The following CCSER1 variants were observed in gnomAD, a reference collection of about 807,000 sequenced individuals.
The protein encoded by CCSER1 is serine-rich coiled-coil domain-containing protein 1.
Under a neutral mutation model 82.0 loss-of-function variants are expected in CCSER1, and 41 were observed. That is an observed-to-expected ratio of 0.50 (90% confidence interval 0.39 to 0.65). CCSER1 has a LOEUF of 0.65. Ranked by LOEUF, CCSER1 falls within the 30% of genes least tolerant of loss-of-function variation. The probability of loss-of-function intolerance (pLI) is 0.00; values close to 1 mark genes in which losing one functional copy is unlikely to be tolerated. For synonymous variants in CCSER1, 414 were observed against 383.9 expected (o/e 1.08, Z -0.92); for missense variants, 1,119 against 1,064.2 (o/e 1.05, Z -0.72).
chr4:90,733,008 C>A (rs1745027580), intron 7 of CCSER1, among the ~76,000 whole-genome samples: 2 of 152,148 alleles, frequency 1.3e-5, no homozygotes, highest in Admixed American at 1.3e-4. Context: ...GCAGATATCT[C>A]TTCAATACAC....
At chr4:91,385,835 A>T (rs1229683430) in intron 10 of CCSER1, among the ~76,000 whole-genome samples, 1 of 151,976 alleles carries the variant, frequency 6.6e-6, no homozygotes, top group African/African-American at 2.4e-5. Context: ...TTAGGAAGGC[A>T]AGGGAAAACC....
chr4:90,695,710 AT>A (rs1365092001), intron 6 of CCSER1, among the ~76,000 whole-genome samples: 6 of 152,210 alleles, frequency 3.9e-5, no homozygotes, highest in Middle Eastern at 3.4e-3. Context: ...ATCTCTTTAC[AT>A]TAGCACATTT....
At chr4:90,623,023 ATT>A (rs35838784) in intron 5 of CCSER1, among the ~76,000 whole-genome samples, 82 of 112,588 alleles carry the variant, frequency 7.3e-4, no homozygotes, top group Middle Eastern at 5.1e-3. Context: ...TGGGTAAAGG[ATT>A]TTTTTTTTTT....
chr4:90,526,925 T>C (rs1164177833), intron 5 of CCSER1, among the ~76,000 whole-genome samples: 1 of 152,206 alleles, frequency 6.6e-6, no homozygotes, highest in Non-Finnish European at 1.5e-5. Context: ...TTTCTGGTTC[T>C]AGATCCTTGA....
intron 5 of CCSER1, among the ~76,000 whole-genome samples, chr4:90,599,470 A>G (rs1295353450): frequency 6.6e-6 from 1 of 152,120 alleles, no homozygotes; most frequent in Non-Finnish European, 1.5e-5. Flanking sequence ...TGACTCAATA[A>G]AAACTCTTTT....
chr4:90,780,539 G>A, intron 7 of CCSER1: 2 of 1,582,930 alleles, frequency 1.3e-6, no homozygotes, highest in Non-Finnish European at 8.6e-7. Flanking sequence ...TTCAAAAGTT[G>A]AAGATGAAAG....
intron 10 of CCSER1, among the ~76,000 whole-genome samples, chr4:91,270,317 T>C (rs956119816): frequency 3.9e-5 from 6 of 152,184 alleles, no homozygotes; most frequent in African/African-American, 1.2e-4. Flanking sequence ...AAAATGGTGT[T>C]GACTCTTACT....
intron 9 of CCSER1, among the ~76,000 whole-genome samples, chr4:91,061,287 A>G (rs1743929625): frequency 6.6e-6 from 1 of 152,034 alleles, no homozygotes; most frequent in Admixed American, 6.6e-5. Flanking sequence ...AAATTAAAAA[A>G]AAAAAGAACT....
intron 10 of CCSER1, among the ~76,000 whole-genome samples, chr4:91,336,364 T>C (rs1022260522): frequency 2.6e-5 from 4 of 152,128 alleles, no homozygotes; most frequent in Admixed American, 6.6e-5. Flanking sequence ...AAGCTATAAA[T>C]CCTACAGAAC....
At chr4:91,264,093 C>G (rs1560552126) in intron 10 of CCSER1, among the ~76,000 whole-genome samples, 1 of 151,708 alleles carries the variant, frequency 6.6e-6, no homozygotes, top group African/African-American at 2.4e-5. Context: ...TGACTTTTAA[C>G]AAACCAGGAT....
intron 10 of CCSER1, among the ~76,000 whole-genome samples, chr4:91,426,228 T>A (rs1055665367): frequency 3.9e-5 from 6 of 152,236 alleles, no homozygotes; most frequent in Admixed American, 6.5e-5. Context: ...CATCCTTTTT[T>A]ATGGCTGCAT....
chr4:90,675,424 T>G (rs901704725), intron 6 of CCSER1, among the ~76,000 whole-genome samples: 13 of 151,996 alleles, frequency 8.6e-5, no homozygotes, highest in African/African-American at 3.1e-4. Context: ...TAGTTATAGC[T>G]GAGTTTATTT....
At chr4:90,917,448 G>C (rs1417810980) in intron 8 of CCSER1, among the ~76,000 whole-genome samples, 1 of 152,140 alleles carries the variant, frequency 6.6e-6, no homozygotes, top group Non-Finnish European at 1.5e-5. Context: ...CTCACTCATA[G>C]GTGGGAATTG....
intron 10 of CCSER1, among the ~76,000 whole-genome samples, chr4:91,375,401 G>A (rs999682700): frequency 2.0e-5 from 3 of 152,058 alleles, no homozygotes; most frequent in Admixed American, 6.6e-5. Context: ...TGAGAGGATC[G>A]GTTCCACTTT....
chr4:90,578,618 A>T (rs1433310163), intron 5 of CCSER1, among the ~76,000 whole-genome samples: 2 of 152,150 alleles, frequency 1.3e-5, no homozygotes, highest in African/African-American at 4.8e-5. Context: ...TATCCAGAAT[A>T]TTCTCCCATC....
intron 10 of CCSER1, among the ~76,000 whole-genome samples, chr4:91,171,029 T>C (rs1251191921): frequency 6.6e-6 from 1 of 152,220 alleles, no homozygotes; most frequent in Non-Finnish European, 1.5e-5. Context: ...AACATGCACA[T>C]GTTGTAGTCT....
At chr4:91,205,113 C>T (rs1245431704) in intron 10 of CCSER1, among the ~76,000 whole-genome samples, 1 of 151,498 alleles carries the variant, frequency 6.6e-6, no homozygotes, top group East Asian at 1.9e-4. Flanking sequence ...ATCCAATATG[C>T]AAATATTTAT....
chr4:90,671,516 A>G (rs993226732), intron 6 of CCSER1, among the ~76,000 whole-genome samples: 2 of 152,116 alleles, frequency 1.3e-5, no homozygotes, highest in African/African-American at 4.8e-5. Flanking sequence ...ATGATATTAC[A>G]GAAATTCAGT....
chr4:90,750,549 A>AT (rs1253026945), intron 7 of CCSER1, among the ~76,000 whole-genome samples: 1 of 152,116 alleles, frequency 6.6e-6, no homozygotes, highest in East Asian at 1.9e-4. Context: ...GTATGCGTTT[A>AT]TTTTTTCTTC....
Sources: allele counts gnomAD v4.1 joint callset (sites outside exome capture counted in the v4.1 genomes callset), GRCh38; gene constraint gnomAD v4.1.1; transcripts MANE v1.5; gene names NCBI Gene and HGNC (gene_info 2026-07-23, HGNC 2026-07-21).